The following FMN1 variants were observed in gnomAD, a reference collection of about 807,000 sequenced individuals.
FMN1 encodes the protein formin 1.
In FMN1, 110 loss-of-function variants were observed where a neutral mutation model predicts 132.4. The observed-to-expected ratio is 0.83, with a 90% confidence interval of 0.71 to 0.97. The LOEUF (loss-of-function observed/expected upper bound fraction) is 0.97, where lower values mean the gene tolerates loss of function less well. Among genes scored for constraint, FMN1 ranks in the 50% least tolerant of loss-of-function variants. The pLI is 0.00. For missense variants in FMN1, 1,792 were observed against 1,705.3 expected (o/e 1.05, Z -0.90); for synonymous variants, 722 against 651.7 (o/e 1.11, Z -1.64).
At chr15:32,812,744 G>T (rs1480522269) in intron 17 of FMN1, among the ~76,000 whole-genome samples, 1 of 152,186 alleles carries the variant, frequency 6.6e-6, no homozygotes, top group East Asian at 1.9e-4. Flanking sequence ...AATCTAGTAC[G>T]ATGATATTCG....
chr15:33,154,222 C>A lies in FMN1; in HGVS notation c.693G>T (p.Gln231His), dbSNP rs1411543740. 5.2e-6 allele frequency: 8 copies of A among 1,536,160 alleles called. No homozygotes were observed. The highest frequency in any genetic ancestry group is 6.1e-6 in the Non-Finnish European group (7 of 1,146,960). The part of the protein sequence containing the change: ...LPNGALACSL[Q>H]RRESCPPDIP... ...TATCTGGGGGGCAGCTCTCTCTCCT[C>A]TGCAGGGAGCAGGCAAGTGCCCCAT... The change falls in exon 4 of 21, where the codon CAG (glutamine) becomes CAT (histidine). Residue 231 changes from glutamine (Q) to histidine (H), a missense_variant. Coordinates refer to ENST00000616417, the MANE Select transcript of FMN1 (RefSeq NM_001277313.2).
In FMN1 at chr15:33,088,887, A is replaced by T. The variant is rs1261642719; in HGVS notation, c.1955T>A (p.Leu652Gln). 6.5e-7 allele frequency: 1 copy of T among 1,536,034 alleles called. No individual in the cohort carries two copies. Among genetic ancestry groups the T allele is most frequent in the South Asian group, 1.2e-5 (1 of 84,062 alleles). The change falls in exon 5 of 21, where the codon CTG (leucine) becomes CAG (glutamine). Residue 652 changes from leucine (L) to glutamine (Q), a missense_variant. This residue lies in a region of FMN1 where 1,150 missense variants were observed against 1,043.1 expected (regional missense o/e 1.10). Transcript: ENST00000616417. The stretch of plus-strand genomic sequence containing the variant: ...ACAGGCTGGTCCCGCTCTGTAGCCC[A>T]GAACCCACGCGCCTCCATCTCTGTT... The part of the protein sequence containing the change: ...LPNRDGGAWV[L>Q]GYRAGPACPF...
chr15:32,876,140 G>C (rs533694101), intron 16 of FMN1, among the ~76,000 whole-genome samples: 155 of 152,302 alleles, frequency 1.0e-3, no homozygotes, highest in South Asian at 1.0e-2. Context: ...CCTCATACTT[G>C]ATTCAGTCTT....
intron 7 of FMN1, among the ~76,000 whole-genome samples, chr15:32,984,286 G>A (rs2032909614): frequency 6.6e-6 from 1 of 152,008 alleles, no homozygotes; most frequent in South Asian, 2.1e-4. Context: ...TTTCTTTTAT[G>A]CAATAGATTA....
At chr15:33,051,768 G>T (rs1441081837) in intron 6 of FMN1, among the ~76,000 whole-genome samples, 1 of 152,122 alleles carries the variant, frequency 6.6e-6, no homozygotes, top group East Asian at 1.9e-4. Flanking sequence ...CCCAAGTGCT[G>T]GCAGGCCACT....
intron 4 of FMN1, among the ~76,000 whole-genome samples, chr15:33,129,597 C>T (rs1963445029): frequency 6.6e-6 from 1 of 152,112 alleles, no homozygotes; most frequent in Non-Finnish European, 1.5e-5. Context: ...CACAACCATC[C>T]ACTGTCGTGG....
rs115521563 is a variant in FMN1 at position 32,911,919 on chromosome 15, C to A, written c.3227-1384G>T. On this transcript the variant is annotated intron_variant, in intron 10 of 20. Coordinates refer to ENST00000616417, the MANE Select transcript of FMN1 (RefSeq NM_001277313.2). ...ACTGTTATTTTGTGTGTGGAGATCA[C>A]ATAAATCCACTAATTTGTCAGACAC... 8.5e-3 allele frequency among the ~76,000 whole-genome samples: 1,287 copies of A among 152,230 alleles called. 15 individuals carry two copies. The highest frequency in any genetic ancestry group is 0.03 in the African/African-American group (1,228 of 41,544).
chr15:32,843,435 G>A (rs572592948), intron 17 of FMN1, among the ~76,000 whole-genome samples: 37 of 152,260 alleles, frequency 2.4e-4, no homozygotes, highest in Middle Eastern at 3.4e-3. Flanking sequence ...AGAAAGCAAC[G>A]ATCACGCACA....
intron 17 of FMN1, among the ~76,000 whole-genome samples, chr15:32,849,674 T>TG (rs1374427348): frequency 6.6e-6 from 1 of 152,002 alleles, no homozygotes; most frequent in African/African-American, 2.4e-5. Flanking sequence ...CTTTATTTTT[T>TG]TTTTGGAGGA....
chr15:32,910,525 A>T lies in FMN1; in HGVS notation c.3237T>A (p.Asn1079Lys), dbSNP rs773514343. 5 of 1,572,430 alleles carry T rather than the reference A, an allele frequency of 3.2e-6. No individual in the cohort carries two copies. Among genetic ancestry groups the T allele is most frequent in the Non-Finnish European group, 8.6e-7 (1 of 1,158,148 alleles). ...EMKDIQQAIFNVDDSVVDLET... is the reference protein window; with the variant it reads ...EMKDIQQAIFKVDDSVVDLET... The stretch of plus-strand genomic sequence containing the variant: ...CCAGATCAACCACGGAGTCATCCAC[A>T]TTGAAAATGGCTGCCAAGCACCCAA... Residue 1079 changes from asparagine to lysine, a missense_variant, in exon 11 of 21, where the codon AAT (asparagine) becomes AAA (lysine). Transcript: ENST00000616417.
chr15:32,777,456 TTA>T (rs1170162017), intron 19 of FMN1, among the ~76,000 whole-genome samples: 4 of 23,632 alleles, frequency 1.7e-4, no homozygotes, highest in Non-Finnish European at 3.8e-4. Context: ...TATATTATAT[TTA>T]TATATTACGT....
chr15:33,138,334 C>T (rs989084336), intron 4 of FMN1, among the ~76,000 whole-genome samples: 4 of 152,168 alleles, frequency 2.6e-5, no homozygotes, highest in South Asian at 2.1e-4. Flanking sequence ...GGCTCTGCAG[C>T]TGTTGCTCCT....
chr15:32,990,874 A>G (rs2033392171), intron 7 of FMN1, among the ~76,000 whole-genome samples: 1 of 152,158 alleles, frequency 6.6e-6, no homozygotes, highest in African/African-American at 2.4e-5. Flanking sequence ...AGATCTTGTG[A>G]TAACTTACTC....
chr15:32,919,067 C>T (rs914290319), intron 10 of FMN1, among the ~76,000 whole-genome samples: 2 of 152,162 alleles, frequency 1.3e-5, no homozygotes, highest in African/African-American at 4.8e-5. Context: ...GTCTGTATGT[C>T]AGCAGGTCAG....
At chr15:32,785,779 C>T (rs1268276083) in intron 19 of FMN1, among the ~76,000 whole-genome samples, 2 of 152,078 alleles carry the variant, frequency 1.3e-5, no homozygotes, top group Non-Finnish European at 2.9e-5. Context: ...AAATTAATCA[C>T]CGCTCGACTC....
intron 19 of FMN1, among the ~76,000 whole-genome samples, chr15:32,798,212 ACACACC>A (rs2057355972): frequency 1.4e-5 from 2 of 145,210 alleles, no homozygotes; most frequent in Non-Finnish European, 3.0e-5. Context: ...ACACACACAC[ACACACC>A]CCGTCTATAT....
intron 4 of FMN1, among the ~76,000 whole-genome samples, chr15:33,119,490 A>C (rs921989911): frequency 1.3e-5 from 2 of 152,210 alleles, no homozygotes; most frequent in African/African-American, 4.8e-5. Context: ...GACTCTGCCA[A>C]GCATTAATGA....
At chr15:33,193,580 G>A (rs987539190) in intron 2 of FMN1, among the ~76,000 whole-genome samples, 2 of 152,132 alleles carry the variant, frequency 1.3e-5, no homozygotes, top group Non-Finnish European at 2.9e-5. Context: ...CTTCTTAAAG[G>A]ATTGGGTCTG....
At chr15:32,818,480 G>T (rs1483983132) in intron 17 of FMN1, among the ~76,000 whole-genome samples, 3 of 152,056 alleles carry the variant, frequency 2.0e-5, no homozygotes, top group Non-Finnish European at 4.4e-5. Context: ...TAGAATTAAG[G>T]CAGATTTTTA....
Sources: allele counts gnomAD v4.1 joint callset (sites outside exome capture counted in the v4.1 genomes callset), GRCh38; gene constraint gnomAD v4.1.1; regional missense constraint gnomAD v4.1.1; transcripts MANE v1.5; gene names NCBI Gene and HGNC (gene_info 2026-07-23, HGNC 2026-07-21).